The following LEKR1 variants were observed in gnomAD, a reference collection of about 807,000 sequenced individuals.
LEKR1 encodes the protein leucine, glutamate and lysine rich 1.
A neutral mutation model predicts 72.4 loss-of-function variants in LEKR1; 59 were observed. The observed-to-expected ratio is 0.82, with a 90% CI of 0.66 to 1.01. LEKR1 has a LOEUF of 1.01. Ranked by LOEUF, LEKR1 falls within the 50% of genes least tolerant of loss-of-function variation. LEKR1 has a pLI of 0.00. For missense variants in LEKR1, 728 were observed against 759.2 expected (o/e 0.96, Z 0.48); for synonymous variants, 257 against 263.2 (o/e 0.98, Z 0.23).
chr3:156,866,751 A>T (rs1456867553), intron 3 of LEKR1, among the ~76,000 whole-genome samples: 1 of 151,864 alleles, frequency 6.6e-6, no homozygotes, highest in African/African-American at 2.4e-5. Context: ...GGATGGGTGG[A>T]TGGATAGATG....
chr3:157,042,184 A>G (rs1735397233), intron 12 of LEKR1, among the ~76,000 whole-genome samples: 1 of 152,232 alleles, frequency 6.6e-6, no homozygotes, highest in South Asian at 2.1e-4. Flanking sequence ...ATGTTTTGGC[A>G]CAGAAAAGAA....
intron 3 of LEKR1, among the ~76,000 whole-genome samples, chr3:156,855,266 C>T (rs1715916006): frequency 6.6e-6 from 1 of 152,024 alleles, no homozygotes; most frequent in South Asian, 2.1e-4. Flanking sequence ...TACATTTGGC[C>T]AATAGTTGAT....
chr3:157,029,750 C>G (rs1205759050), intron 12 of LEKR1, among the ~76,000 whole-genome samples: 1 of 152,094 alleles, frequency 6.6e-6, no homozygotes, highest in Non-Finnish European at 1.5e-5. Flanking sequence ...AGAAGTGATG[C>G]TGATTTGCCT....
intron 3 of LEKR1, among the ~76,000 whole-genome samples, chr3:156,859,607 T>C (rs1340011019): frequency 2.0e-5 from 3 of 152,144 alleles, no homozygotes; most frequent in African/African-American, 7.2e-5. Context: ...ATCCCAAATA[T>C]ATAGTTTACA....
chr3:156,965,690 T>C (rs1728501887), intron 6 of LEKR1, among the ~76,000 whole-genome samples: 1 of 152,174 alleles, frequency 6.6e-6, no homozygotes, highest in Non-Finnish European at 1.5e-5. Context: ...TAGATGTAAA[T>C]TAAACCTCTA....
At position 156,860,920 on chromosome 3, in the gene LEKR1, C is replaced by G. The variant is rs150645553; in HGVS notation, c.263+7938C>G. ...TCATGGCTTCTGTATCACCAGATAT[C>G]ATGTTTAATTTCTAGGCAGGAATAT... On this transcript the variant is annotated intron_variant, in intron 3 of 12. Coordinates refer to ENST00000356539, the MANE Select transcript of LEKR1 (RefSeq NM_001004316.3). 4.8e-3 allele frequency among the ~76,000 whole-genome samples: 728 copies of G among 152,198 alleles called. 7 individuals carry two copies. The highest frequency in any genetic ancestry group is 0.017 in the African/African-American group (702 of 41,528).
chr3:156,877,958 T>A (rs1289988923), intron 3 of LEKR1, among the ~76,000 whole-genome samples: 1 of 152,076 alleles, frequency 6.6e-6, no homozygotes, highest in African/African-American at 2.4e-5. Context: ...AATTTTTGTA[T>A]TTTTGGTAGA....
chr3:156,900,080 T>C (rs1721859203), intron 3 of LEKR1, among the ~76,000 whole-genome samples: 2 of 152,072 alleles, frequency 1.3e-5, no homozygotes, highest in Admixed American at 1.3e-4. Context: ...AGGAGGTATC[T>C]AGAATAAATG....
chr3:157,019,337 A>G (rs1172436784), intron 10 of LEKR1, among the ~76,000 whole-genome samples: 1 of 152,216 alleles, frequency 6.6e-6, no homozygotes, highest in Non-Finnish European at 1.5e-5. Context: ...GCATATTGGT[A>G]TTAAATACAG....
Position 156,936,426 on chromosome 3 carries a change from A to AACACACACAC in LEKR1, c.560-6072_560-6063dup, listed in dbSNP as rs561039357. On this transcript the variant is annotated intron_variant, in intron 5 of 12. Transcript: ENST00000356539. ...TCAGTGTCCTCATCTGTACAATGAG[A>AACACACACAC]ACACACACACACACACACACACACA... is the stretch of plus-strand genomic sequence containing the variant. Among the ~76,000 whole-genome samples the AACACACACAC allele has an allele frequency of 2.0e-4, 15 of 76,898 alleles. 1 individual carries two copies. The highest frequency in any genetic ancestry group is 9.7e-4 in the Admixed American group (7 of 7,184). 50.4% of individuals were successfully genotyped at this position (76,898 alleles called of 152,430 possible).
intron 12 of LEKR1, among the ~76,000 whole-genome samples, chr3:157,032,588 G>C (rs1230766583): frequency 6.6e-6 from 1 of 152,104 alleles, no homozygotes; most frequent in African/African-American, 2.4e-5. Flanking sequence ...AAAGATATTG[G>C]CCAAAGCTTA....
chr3:156,828,235 A>G (rs1450120811), intron 1 of LEKR1, among the ~76,000 whole-genome samples: 2 of 152,234 alleles, frequency 1.3e-5, no homozygotes, highest in African/African-American at 4.8e-5. Context: ...TAGTGGTTGC[A>G]CCATTTACAA....
At chr3:156,897,811 G>T (rs993232145) in intron 3 of LEKR1, among the ~76,000 whole-genome samples, 68 of 152,230 alleles carry the variant, frequency 4.5e-4, no homozygotes, top group Middle Eastern at 3.4e-3. Context: ...AAATTAGCTG[G>T]GCATGGTGGC....
At chr3:156,910,374 G>T (rs1479554901) in intron 3 of LEKR1, among the ~76,000 whole-genome samples, 1 of 152,112 alleles carries the variant, frequency 6.6e-6, no homozygotes, top group African/African-American at 2.4e-5. Flanking sequence ...AGAACATGTG[G>T]TATTTGATTT....
chr3:156,950,596 GTGTGTGTGTGTGTA>G (rs1222571953), intron 6 of LEKR1, among the ~76,000 whole-genome samples: 1 of 150,436 alleles, frequency 6.6e-6, no homozygotes, highest in Non-Finnish European at 1.5e-5. Flanking sequence ...TAGGAATTTT[GTGTGTGTGTGTGTA>G]TGTGTGTGTG....
intron 6 of LEKR1, among the ~76,000 whole-genome samples, chr3:156,943,980 A>G (rs1726460069): frequency 6.6e-6 from 1 of 151,774 alleles, no homozygotes; most frequent in South Asian, 2.1e-4. Context: ...TGATAATTTT[A>G]TAGCAAATTT....
At chr3:156,941,395 C>CT (rs1335292075) in intron 5 of LEKR1, among the ~76,000 whole-genome samples, 1 of 152,048 alleles carries the variant, frequency 6.6e-6, no homozygotes, top group Non-Finnish European at 1.5e-5. Flanking sequence ...AAAACATGCT[C>CT]TTTTTTCCTG....
At chr3:156,887,908 A>G (rs1328141732) in intron 3 of LEKR1, among the ~76,000 whole-genome samples, 2 of 152,160 alleles carry the variant, frequency 1.3e-5, no homozygotes, top group African/African-American at 2.4e-5. Flanking sequence ...TATCATTTGA[A>G]TAATTATATG....
At chr3:156,834,624 A>G (rs1033769956) in intron 2 of LEKR1, among the ~76,000 whole-genome samples, 7 of 152,218 alleles carry the variant, frequency 4.6e-5, no homozygotes, top group Admixed American at 2.0e-4. Flanking sequence ...TGCAGAGCCT[A>G]GGACAAGAAC....
Sources: allele counts gnomAD v4.1 joint callset (sites outside exome capture counted in the v4.1 genomes callset), GRCh38; gene constraint gnomAD v4.1.1; transcripts MANE v1.5; gene names NCBI Gene and HGNC (gene_info 2026-07-23, HGNC 2026-07-21).